ETV1: variants seen among roughly 807,000 people sequenced by gnomAD.
The protein encoded by ETV1 is ETS variant transcription factor 1.
In ETV1, 27 loss-of-function variants were observed where a neutral mutation model predicts 62.3. The ratio of observed to expected loss-of-function variants is 0.43; its 90% CI spans 0.32 to 0.60. The LOEUF (loss-of-function observed/expected upper bound fraction) is 0.60. Ranked by LOEUF, ETV1 falls within the 20% of genes least tolerant of loss-of-function variation. The probability of loss-of-function intolerance (pLI) is 0.06; values close to 1 mark genes in which losing one functional copy is unlikely to be tolerated. For synonymous variants in ETV1, 222 were observed against 199.6 expected (o/e 1.11, Z -0.94); for missense variants, 605 against 605.8 (o/e 1.00, Z 0.01).
chr7:13,940,595 C>G (rs903411232), intron 6 of ETV1, among the ~76,000 whole-genome samples: 4 of 152,018 alleles, frequency 2.6e-5, no homozygotes, highest in African/African-American at 7.3e-5. Flanking sequence ...CAGAGACACA[C>G]GTTCTGGAGA....
chr7:13,958,399 C>G (rs987104804), intron 6 of ETV1, among the ~76,000 whole-genome samples: 2 of 152,172 alleles, frequency 1.3e-5, no homozygotes, highest in African/African-American at 4.8e-5. Flanking sequence ...TCAAACACTG[C>G]TACCATTCTC....
At chr7:13,970,873 T>G (rs746707094) in intron 6 of ETV1, among the ~76,000 whole-genome samples, 2 of 152,174 alleles carry the variant, frequency 1.3e-5, no homozygotes, top group Non-Finnish European at 2.9e-5. Flanking sequence ...GACTTCAGTT[T>G]TTTTAGAAGC....
rs1781731872 is a variant in ETV1 at position 13,895,959 on chromosome 7, T to C, written c.1341A>G (p.Thr447=). 6.2e-7 allele frequency: 1 copy of C among 1,613,740 alleles called. No individual in the cohort carries two copies. Among genetic ancestry groups the C allele is most frequent in the Admixed American group, 1.7e-5 (1 of 59,982 alleles). The part of the protein sequence containing the change: ...DMERHINEED[T]VPLSHFDESM... Reference sequence around the variant, plus strand: ...TCTCATCAAAGTGAGAAAGAGGCACTGTGTCCTCCTCGTTGATGTGACGTT... The same window carrying C: ...TCTCATCAAAGTGAGAAAGAGGCACCGTGTCCTCCTCGTTGATGTGACGTT... The change falls in exon 14 of 14, where the codon ACA becomes ACG. Residue 447 remains threonine (T), a synonymous_variant. Coordinates refer to ENST00000430479, the MANE Select transcript of ETV1 (RefSeq NM_004956.5).
intron 13 of ETV1, 146 bp from the exon 14 acceptor site, chr7:13,896,233 A>C: frequency 1.8e-6 from 1 of 542,516 alleles, no homozygotes; most frequent in Non-Finnish European, 3.2e-6. Flanking sequence ...TAGCAGATAC[A>C]CATAAAAAAA....
At chr7:13,932,700 T>C (rs1786333026) in intron 8 of ETV1, among the ~76,000 whole-genome samples, 1 of 152,194 alleles carries the variant, frequency 6.6e-6, no homozygotes, top group African/African-American at 2.4e-5. Context: ...TGTGGATTAA[T>C]TAAAGATTTA....
chr7:13,937,419 T>C (rs1271884461), intron 7 of ETV1, among the ~76,000 whole-genome samples: 2 of 152,338 alleles, frequency 1.3e-5, no homozygotes, highest in Middle Eastern at 3.4e-3. Context: ...ATATTTTCTG[T>C]ATAGCGATGG....
At chr7:13,978,466 T>G (rs905466977) in intron 5 of ETV1, among the ~76,000 whole-genome samples, 1 of 152,088 alleles carries the variant, frequency 6.6e-6, no homozygotes, top group Non-Finnish European at 1.5e-5. Flanking sequence ...AAAAATATAA[T>G]GAATTATCAT....
chr7:13,932,813 G>A (rs1326296696), intron 8 of ETV1, among the ~76,000 whole-genome samples: 1 of 152,262 alleles, frequency 6.6e-6, no homozygotes, highest in Admixed American at 6.5e-5. Context: ...GCATTCCTGA[G>A]ACTTTAATTT....
In ETV1 at chr7:13,911,369, G is replaced by A. The variant is rs370981300; in HGVS notation, c.803-62C>T. On this transcript the variant is annotated intron_variant, in intron 9 of 13. Coordinates refer to ENST00000430479, the MANE Select transcript of ETV1 (RefSeq NM_004956.5). ...GAGCTGAAACGCTGCGGTTATCAAT[G>A]GACAGGGTGCAGACAGAGAAGATAC... The A allele has an allele frequency of 3.4e-4, 386 of 1,120,794 alleles. 1 individual carries two copies. The African/African-American group carries it at 4.6e-3, about 13-fold the overall frequency. The allele number at this position is 1,120,794 out of a possible 1,614,324, so 69.4% of individuals were successfully genotyped here.
At chr7:13,906,636 A>G in intron 11 of ETV1, 37 bp from the exon 12 acceptor site, 2 of 1,446,068 alleles carry the variant, frequency 1.4e-6, no homozygotes, top group Non-Finnish European at 9.4e-7. Flanking sequence ...ATTATTAGCA[A>G]TACTATGCTA....
chr7:13,899,651 A>G (rs1037037687), intron 13 of ETV1, among the ~76,000 whole-genome samples: 4 of 152,260 alleles, frequency 2.6e-5, no homozygotes, highest in Admixed American at 2.6e-4. Flanking sequence ...AACGTTCACA[A>G]TAGGTAAATC....
chr7:13,988,613 A>T, intron 3 of ETV1: 1 of 1,295,368 alleles, frequency 7.7e-7, no homozygotes, highest in Non-Finnish European at 9.8e-7. Flanking sequence ...AAAAAAAGAG[A>T]AAATGAGAAA....
intron 6 of ETV1, among the ~76,000 whole-genome samples, chr7:13,954,159 G>C (rs1172024494): frequency 6.6e-6 from 1 of 152,060 alleles, no homozygotes; most frequent in African/African-American, 2.4e-5. Flanking sequence ...ACAACAAGTA[G>C]TCCAATAAAT....
chr7:13,939,467 TTC>T (rs1434983057), intron 6 of ETV1, among the ~76,000 whole-genome samples: 2 of 152,214 alleles, frequency 1.3e-5, no homozygotes, highest in Non-Finnish European at 1.5e-5. Flanking sequence ...TGCTTGAATT[TTC>T]TCTCATTACT....
intron 6 of ETV1, among the ~76,000 whole-genome samples, chr7:13,948,459 C>T (rs760868224): frequency 4.6e-5 from 7 of 152,112 alleles, no homozygotes; most frequent in Admixed American, 2.6e-4. Context: ...TTTGAGGTTG[C>T]GTTTTCTGGT....
chr7:13,962,898 TAC>T (rs1184900521), intron 6 of ETV1, among the ~76,000 whole-genome samples: 2 of 152,216 alleles, frequency 1.3e-5, no homozygotes, highest in Non-Finnish European at 2.9e-5. Flanking sequence ...TATATATGTA[TAC>T]ACGGATGTGG....
chr7:13,945,026 T>A (rs1787995427), intron 6 of ETV1, among the ~76,000 whole-genome samples: 1 of 152,154 alleles, frequency 6.6e-6, no homozygotes, highest in Non-Finnish European at 1.5e-5. Flanking sequence ...CTCCGATCCC[T>A]GCTGACATCC....
chr7:13,979,958 C>G (rs1781824978), intron 5 of ETV1, among the ~76,000 whole-genome samples: 1 of 151,950 alleles, frequency 6.6e-6, no homozygotes, highest in African/African-American at 2.4e-5. Context: ...AAAAAAGGGC[C>G]AAATTTTAGG....
intron 6 of ETV1, among the ~76,000 whole-genome samples, chr7:13,975,414 C>T (rs1415929352): frequency 3.3e-5 from 5 of 151,220 alleles, no homozygotes; most frequent in South Asian, 4.2e-4. Context: ...GGAGTGATGG[C>T]GGATGCCTGT....
Sources: gnomAD v4.1 joint callset for allele counts (sites outside exome capture counted in the v4.1 genomes callset) on GRCh38, gnomAD v4.1.1 for gene constraint, MANE v1.5 for transcripts, NCBI Gene and HGNC (gene_info 2026-07-23, HGNC 2026-07-21) for gene names.